HLTF: variants seen among roughly 807,000 people sequenced by gnomAD.
HLTF encodes the protein DNA-dependent ATPase/E3 ubiquitin-protein ligase HLTF.
A neutral mutation model predicts 129.4 loss-of-function variants in HLTF; 127 were observed. The ratio of observed to expected loss-of-function variants is 0.98; its 90% CI spans 0.85 to 1.14. HLTF has a LOEUF of 1.14. Among genes scored for constraint, HLTF ranks in the 50% most tolerant of loss-of-function variants. HLTF has a pLI of 0.00. For synonymous variants in HLTF, 332 were observed against 388.8 expected (o/e 0.85, Z 1.72); for missense variants, 1,139 against 1,187.1 (o/e 0.96, Z 0.60).
chr3:149,036,348 G>C (rs1006434291), intron 23 of HLTF, among the ~76,000 whole-genome samples: 1 of 131,418 alleles, frequency 7.6e-6, no homozygotes, highest in African/African-American at 3.0e-5. Context: ...GAGTGCAGTG[G>C]CACGATCTCA....
chr3:149,076,569 C>T (rs966869846), intron 2 of HLTF, among the ~76,000 whole-genome samples: 8 of 152,074 alleles, frequency 5.3e-5, no homozygotes. Flanking sequence ...GTTCCTGAGC[C>T]TCAATTCTCC....
chr3:149,055,229 C>A, intron 14 of HLTF, 74 bp downstream of exon 14: 2 of 1,058,186 alleles, frequency 1.9e-6, no homozygotes, highest in Non-Finnish European at 2.9e-6. Flanking sequence ...ATGAATGACT[C>A]TTTAACAGAA....
At chr3:149,044,675 T>TA (rs1243789611) in intron 18 of HLTF, among the ~76,000 whole-genome samples, 1 of 152,108 alleles carries the variant, frequency 6.6e-6, no homozygotes, top group African/African-American at 2.4e-5. Flanking sequence ...GATCTTAGCT[T>TA]AAAAAAATCT....
intron 17 of HLTF, among the ~76,000 whole-genome samples, chr3:149,047,701 T>C (rs1716665581): frequency 6.6e-6 from 1 of 152,140 alleles, no homozygotes; most frequent in Non-Finnish European, 1.5e-5. Context: ...ACTTAATGCA[T>C]ATTAGATCCT....
In HLTF at chr3:149,039,212, AAC is replaced by A; in HGVS notation, c.2631_2632del (p.Phe878TyrfsTer14). The A allele has an allele frequency of 6.3e-7, 1 of 1,580,432 alleles. No individual in the cohort carries two copies. The highest frequency in any genetic ancestry group is 8.6e-7 in the Non-Finnish European group (1 of 1,164,398). ...GGCCATGGAACCATCCAAACGAGTA[AAC>A]ACAAATCCAGAGGCTCTAAAGGGGG... On this transcript the variant is annotated frameshift_variant, in exon 23 of 25. Coordinates refer to ENST00000310053, the MANE Select transcript of HLTF (RefSeq NM_003071.4). LOFTEE classifies it high-confidence loss of function.
chr3:149,067,201 C>A (rs1021856662), intron 8 of HLTF, among the ~76,000 whole-genome samples: 1 of 151,052 alleles, frequency 6.6e-6, no homozygotes, highest in Admixed American at 6.6e-5. Flanking sequence ...TATATACACA[C>A]ACACACACAA....
At chr3:149,069,507 G>C (rs975623797) in intron 7 of HLTF, among the ~76,000 whole-genome samples, 1 of 150,888 alleles carries the variant, frequency 6.6e-6, no homozygotes, top group Non-Finnish European at 1.5e-5. Flanking sequence ...TGTTCTTGAC[G>C]AAGCAGTACA....
intron 24 of HLTF, among the ~76,000 whole-genome samples, chr3:149,033,736 CAA>C (rs1299472802): frequency 6.6e-6 from 1 of 151,816 alleles, no homozygotes; most frequent in Admixed American, 6.6e-5. Context: ...ACTCATGTCA[CAA>C]ATCATAAAAC....
At chr3:149,053,653 C>CCT (rs1367588671) in intron 14 of HLTF, among the ~76,000 whole-genome samples, 1 of 152,188 alleles carries the variant, frequency 6.6e-6, no homozygotes, top group African/African-American at 2.4e-5. Flanking sequence ...TGCCAAACCA[C>CCT]CTCTCATTCC....
chr3:149,049,461 C>T (rs1716809808), intron 15 of HLTF, among the ~76,000 whole-genome samples: 1 of 151,888 alleles, frequency 6.6e-6, no homozygotes. Context: ...AGGTATTTTT[C>T]AAAAAGTTTT....
Position 149,041,520 on chromosome 3 carries a change from G to A in HLTF, c.2346C>T (p.Pro782=). 1.9e-6 allele frequency: 3 copies of A among 1,612,982 alleles called. No individual in the cohort carries two copies. The highest frequency in any genetic ancestry group is 1.7e-4 in the Middle Eastern group (1 of 6,052). Residue 782 remains proline, a synonymous_variant, in exon 20 of 25, where the codon CCC becomes CCT. Coordinates refer to ENST00000310053, the MANE Select transcript of HLTF (RefSeq NM_003071.4). ...CATTCTGAATGACTTGGCAAATACA[G>A]GGTTTACAAAATACATGTGCACAAT... is the stretch of plus-strand genomic sequence containing the variant. The part of the protein sequence containing the change: ...ITHCAHVFCK[P]CICQVIQNEQ...
rs183401411 is a variant in HLTF at position 149,071,298 on chromosome 3, C to T, written c.848G>A (p.Arg283Gln). Residue 283 changes from arginine (R) to glutamine (Q), a missense_variant, in exon 7 of 25, where the codon CGA becomes CAA. Coordinates refer to ENST00000310053, the MANE Select transcript of HLTF (RefSeq NM_003071.4). ...NTITNFSEKD[R>Q]PENVHGGILA... ...AATTCCTCCATGGACATTTTCTGGT[C>T]GGTCCTTCTCAGAAAAATTTGTTAT... is the stretch of plus-strand genomic sequence containing the variant. 6.9e-6 allele frequency: 11 copies of T among 1,605,574 alleles called. No homozygotes were observed. Among genetic ancestry groups the T allele is most frequent in the East Asian group, 4.5e-5 (2 of 44,722 alleles).
intron 5 of HLTF, among the ~76,000 whole-genome samples, chr3:149,072,466 G>A (rs1718958204): frequency 6.6e-6 from 1 of 152,116 alleles, no homozygotes; most frequent in Non-Finnish European, 1.5e-5. Flanking sequence ...ATGCACTATA[G>A]GATACTTTTA....
At chr3:149,034,878 G>GT (rs763433345) in intron 24 of HLTF, 40 bp downstream of exon 24, 34 of 1,322,616 alleles carry the variant, frequency 2.6e-5, no homozygotes, top group Non-Finnish European at 3.4e-5. Context: ...TGTAAAAATC[G>GT]TATCAACCTA....
intron 12 of HLTF, among the ~76,000 whole-genome samples, chr3:149,060,344 C>G (rs1216049111): frequency 6.6e-6 from 1 of 152,120 alleles, no homozygotes; most frequent in Non-Finnish European, 1.5e-5. Flanking sequence ...TTTGTAATTA[C>G]TATTCATACT....
chr3:149,076,182 A>G, intron 2 of HLTF, 135 bp from the exon 3 acceptor site: 1 of 405,380 alleles, frequency 2.5e-6, no homozygotes, highest in Non-Finnish European at 4.3e-6. Context: ...TATTTTCTAG[A>G]CACAAACTAC....
intron 14 of HLTF, among the ~76,000 whole-genome samples, chr3:149,051,617 T>C (rs1185826684): frequency 6.6e-6 from 1 of 152,196 alleles, no homozygotes; most frequent in Non-Finnish European, 1.5e-5. Context: ...TCCCGGCACT[T>C]TGGGAGGCCA....
At chr3:149,084,255 C>A (rs1288107274) in intron 2 of HLTF, among the ~76,000 whole-genome samples, 2 of 152,124 alleles carry the variant, frequency 1.3e-5, no homozygotes, top group Non-Finnish European at 2.9e-5. Context: ...AAAAACAAAT[C>A]CAGAACATGA....
intron 8 of HLTF, among the ~76,000 whole-genome samples, chr3:149,065,693 G>A (rs561947228): frequency 6.6e-6 from 1 of 152,254 alleles, no homozygotes; most frequent in East Asian, 1.9e-4. Flanking sequence ...AGCCAGGCAT[G>A]GTGGCGGGCA....
Sources: allele counts gnomAD v4.1 joint callset (sites outside exome capture counted in the v4.1 genomes callset), GRCh38; gene constraint gnomAD v4.1.1; transcripts MANE v1.5; gene names NCBI Gene and HGNC (gene_info 2026-07-23, HGNC 2026-07-21).